Variants in PTPRR observed in about 807,000 individuals in gnomAD.
The protein encoded by PTPRR is protein tyrosine phosphatase receptor type R.
PTPRR carries 38 observed loss-of-function variants against 77.2 expected under a neutral mutation model. That is an observed-to-expected ratio of 0.49 (90% CI 0.38 to 0.65). The LOEUF (loss-of-function observed/expected upper bound fraction) is 0.65, where lower values mean the gene tolerates loss of function less well. PTPRR is among the 30% of genes least tolerant of loss of function. The pLI is 0.00. For synonymous variants in PTPRR, 299 were observed against 283.1 expected, an observed-to-expected ratio of 1.06 and a Z score of -0.57; for missense variants, 744 against 799.2, an observed-to-expected ratio of 0.93 and a Z score of 0.83.
intron 2 of PTPRR, among the ~76,000 whole-genome samples, chr12:70,768,492 G>C (rs895475586): frequency 6.6e-6 from 1 of 152,128 alleles, no homozygotes; most frequent in Non-Finnish European, 1.5e-5. Context: ...ACCAAAAATA[G>C]GATCTGAAAT....
intron 13 of PTPRR, among the ~76,000 whole-genome samples, chr12:70,654,323 A>G (rs931508018): frequency 6.6e-6 from 1 of 152,168 alleles, no homozygotes; most frequent in Non-Finnish European, 1.5e-5. Flanking sequence ...CACACCTACA[A>G]TCCCGGCACT....
chr12:70,667,703 C>G (rs1887062599), intron 10 of PTPRR, among the ~76,000 whole-genome samples: 1 of 152,118 alleles, frequency 6.6e-6, no homozygotes, highest in South Asian at 2.1e-4. Flanking sequence ...AATTTATGCT[C>G]ATGAATCCAG....
intron 2 of PTPRR, among the ~76,000 whole-genome samples, chr12:70,786,971 CTTTCA>C (rs1891336051): frequency 6.6e-6 from 1 of 152,082 alleles, no homozygotes; most frequent in Non-Finnish European, 1.5e-5. Flanking sequence ...TTTTGTGGTT[CTTTCA>C]ACTGAAGAAG....
chr12:70,661,058 T>A lies in PTPRR; in HGVS notation c.1648A>T (p.Thr550Ser). ...HTQHVKHYWYTSWPDHKTPDS... is the reference protein window; with the variant it reads ...HTQHVKHYWYSSWPDHKTPDS... The stretch of plus-strand genomic sequence containing the variant: ...GGAGTCTTGTGATCAGGCCATGAGG[T>A]GTACCAGTAATGCTTCACATGTTGG... Residue 550 changes from threonine to serine, a missense_variant, in exon 12 of 14, where the codon ACC becomes TCC. Physicochemically the swap from Thr to Ser is moderately conservative, Grantham distance 58. Around this residue, in one of 3 missense-constraint regions of PTPRR, gnomAD observed 170 missense variants for 209.8 expected, o/e 0.81. Coordinates refer to ENST00000283228, the MANE Select transcript of PTPRR (RefSeq NM_002849.4). 1 of 1,612,854 alleles carries A rather than the reference T, an allele frequency of 6.2e-7. No homozygotes were observed. Among genetic ancestry groups the A allele is most frequent in the South Asian group, 1.1e-5 (1 of 90,686 alleles).
At chr12:70,669,510 T>TAC (rs1887135445) in intron 10 of PTPRR, among the ~76,000 whole-genome samples, 1 of 150,372 alleles carries the variant, frequency 6.7e-6, no homozygotes, top group Non-Finnish European at 1.5e-5. Flanking sequence ...ACGAGCTATA[T>TAC]ATATATATAA....
chr12:70,675,185 C>T (rs1043834227), intron 10 of PTPRR, among the ~76,000 whole-genome samples: 5 of 151,982 alleles, frequency 3.3e-5, no homozygotes, highest in African/African-American at 1.2e-4. Flanking sequence ...CCATCCTTTC[C>T]ATTTTAACAT....
intron 2 of PTPRR, among the ~76,000 whole-genome samples, chr12:70,799,741 G>A (rs1010322987): frequency 6.6e-6 from 1 of 152,124 alleles, no homozygotes; most frequent in African/African-American, 2.4e-5. Context: ...AAGAAGAGAT[G>A]AGTTTTTATA....
intron 2 of PTPRR, among the ~76,000 whole-genome samples, chr12:70,831,637 G>A (rs1337884696): frequency 5.3e-5 from 8 of 152,138 alleles, no homozygotes; most frequent in African/African-American, 1.4e-4. Flanking sequence ...TACCATTTTC[G>A]TTTTGGCTGG....
chr12:70,672,896 G>C, intron 10 of PTPRR: 1 of 1,548,690 alleles, frequency 6.5e-7, no homozygotes, highest in Non-Finnish European at 8.8e-7. Flanking sequence ...TAGGATGGGG[G>C]CATCTGCTCC....
intron 2 of PTPRR, among the ~76,000 whole-genome samples, chr12:70,805,267 T>C (rs1891689139): frequency 6.6e-6 from 1 of 151,930 alleles, no homozygotes; most frequent in Non-Finnish European, 1.5e-5. Flanking sequence ...TTAGAATTTA[T>C]AGAATTAGTT....
At chr12:70,682,948 T>C (rs1474918819) in intron 10 of PTPRR, among the ~76,000 whole-genome samples, 2 of 151,986 alleles carry the variant, frequency 1.3e-5, no homozygotes, top group African/African-American at 4.8e-5. Context: ...GTGTGTTTAG[T>C]TAGTAAGCCA....
intron 2 of PTPRR, among the ~76,000 whole-genome samples, chr12:70,775,335 T>G (rs1045165960): frequency 6.6e-6 from 1 of 152,210 alleles, no homozygotes; most frequent in Non-Finnish European, 1.5e-5. Context: ...TGACAAGACT[T>G]TCTTTCTTTG....
At chr12:70,660,662 ACTG>A (rs1390003949) in intron 12 of PTPRR, among the ~76,000 whole-genome samples, 4 of 152,210 alleles carry the variant, frequency 2.6e-5, no homozygotes, top group African/African-American at 9.7e-5. Context: ...AAAGCAGATA[ACTG>A]CTGAATAGGT....
chr12:70,701,374 G>T (rs773930230), intron 6 of PTPRR, 51 bp from the exon 7 acceptor site: 1 of 1,531,614 alleles, frequency 6.5e-7, no homozygotes, highest in Non-Finnish European at 9.0e-7. Flanking sequence ...TATTTTGATT[G>T]CAAAAACTTG....
At chr12:70,875,962 TAC>T (rs1286669507) in intron 2 of PTPRR, among the ~76,000 whole-genome samples, 5 of 152,106 alleles carry the variant, frequency 3.3e-5, no homozygotes, top group Non-Finnish European at 7.4e-5. Flanking sequence ...AGTAATGAGG[TAC>T]AGTTTTCACC....
Position 70,703,494 on chromosome 12 carries a change from T to C in PTPRR, c.1008-2171A>G, listed in dbSNP as rs1399372059. Among the ~76,000 whole-genome samples, 4 of 152,334 alleles carry C rather than the reference T, an allele frequency of 2.6e-5. No homozygotes were observed. In the East Asian group the frequency reaches 7.7e-4, roughly 29 times the overall value. ...GTGCTTCTGAGTAGGAGGCAAATAG[T>C]TGAAGAAGAGCAAAGAATGGTTCTA... is the stretch of plus-strand genomic sequence containing the variant. On this transcript the variant is annotated intron_variant, in intron 6 of 13. Coordinates refer to ENST00000283228, the MANE Select transcript of PTPRR (RefSeq NM_002849.4).
intron 1 of PTPRR, among the ~76,000 whole-genome samples, chr12:70,908,436 G>A (rs1041058128): frequency 6.6e-6 from 1 of 152,164 alleles, no homozygotes; most frequent in African/African-American, 2.4e-5. Context: ...AGAAGGGGAA[G>A]CAAACACATC....
chr12:70,751,754 T>C (rs1378384816), intron 5 of PTPRR, among the ~76,000 whole-genome samples: 1 of 152,138 alleles, frequency 6.6e-6, no homozygotes, highest in Non-Finnish European at 1.5e-5. Context: ...AGTTCTCACA[T>C]ACCCTTCTTC....
rs1036333575 is a variant in PTPRR, at chr12:70,883,291, C to G, written c.357+9388G>C. Among the ~76,000 whole-genome samples the G allele has an allele frequency of 2.6e-5, 4 of 151,972 alleles. No homozygotes were observed. In the South Asian group the frequency reaches 6.2e-4, roughly 24 times the overall value. On this transcript the variant is annotated intron_variant, in intron 2 of 13. Coordinates refer to ENST00000283228, the MANE Select transcript of PTPRR (RefSeq NM_002849.4). ...AACAACAATAAAAAAGATAATGAAACACAGACTTAAGTCACATAAAAATTA... is the reference window on the plus strand; with the variant it reads ...AACAACAATAAAAAAGATAATGAAAGACAGACTTAAGTCACATAAAAATTA...
Sources: allele counts gnomAD v4.1 joint callset (sites outside exome capture counted in the v4.1 genomes callset), GRCh38; gene constraint gnomAD v4.1.1; regional missense constraint gnomAD v4.1.1; transcripts MANE v1.5; gene names NCBI Gene and HGNC (gene_info 2026-07-23, HGNC 2026-07-21).